Variants in SLIT3 observed in about 807,000 individuals in gnomAD.
SLIT3 encodes slit homolog 3 protein.
In SLIT3, 68 loss-of-function variants were observed where a neutral mutation model predicts 184.0. The observed-to-expected ratio is 0.37, with a 90% confidence interval of 0.30 to 0.45. The LOEUF is 0.45. Among genes scored for constraint, SLIT3 ranks in the 20% least tolerant of loss-of-function variants. The probability of loss-of-function intolerance (pLI) is 1.00; values close to 1 mark genes in which losing one functional copy is unlikely to be tolerated. For missense variants in SLIT3, 1,707 were observed against 2,026.0 expected, an observed-to-expected ratio of 0.84 and a Z score of 3.02; for synonymous variants, 831 against 828.6, an observed-to-expected ratio of 1.00 and a Z score of -0.05.
At chr5:169,283,943 G>A (rs546359866) in intron 1 of SLIT3, among the ~76,000 whole-genome samples, 3 of 152,264 alleles carry the variant, frequency 2.0e-5, no homozygotes, top group African/African-American at 7.2e-5. Context: ...GGAGAAGCTC[G>A]TAGTCAATGG....
chr5:168,794,468 A>G (rs1756496876), intron 10 of SLIT3, among the ~76,000 whole-genome samples: 3 of 152,166 alleles, frequency 2.0e-5, no homozygotes, highest in Non-Finnish European at 1.5e-5. Flanking sequence ...GGGAAGAATG[A>G]TGACATTGTC....
At chr5:168,878,890 T>C (rs1055127154) in intron 5 of SLIT3, among the ~76,000 whole-genome samples, 1 of 152,044 alleles carries the variant, frequency 6.6e-6, no homozygotes, top group African/African-American at 2.4e-5. Flanking sequence ...AATTTTTGTA[T>C]TTTTAGTACA....
At chr5:169,175,216 C>T (rs1014980806) in intron 4 of SLIT3, among the ~76,000 whole-genome samples, 4 of 152,186 alleles carry the variant, frequency 2.6e-5, no homozygotes, top group African/African-American at 9.7e-5. Context: ...TTACAATACA[C>T]CATTATCCTT....
intron 14 of SLIT3, 46 bp from the exon 15 acceptor site, chr5:168,762,735 G>A (rs773119035): frequency 2.6e-5 from 42 of 1,597,424 alleles, no homozygotes; most frequent in African/African-American, 5.4e-5. Context: ...CGAGTTCCAC[G>A]CACAGCCCCA....
intron 4 of SLIT3, among the ~76,000 whole-genome samples, chr5:169,115,571 A>G (rs922477203): frequency 2.8e-4 from 43 of 152,344 alleles, no homozygotes; most frequent in African/African-American, 8.9e-4. Flanking sequence ...CAGGCAGACC[A>G]AGGCAATGTC....
chr5:169,263,826 G>T, intron 1 of SLIT3: 1 of 347,896 alleles, frequency 2.9e-6, no homozygotes, highest in Non-Finnish European at 5.6e-6. Context: ...TTGCCTTGCT[G>T]CTGCCTGTTT....
chr5:168,895,871 TA>T (rs11363179), intron 4 of SLIT3, among the ~76,000 whole-genome samples: 131,555 of 152,188 alleles, frequency 0.86, 58,520 homozygotes, highest in Non-Finnish European at 0.96. Flanking sequence ...TTCTGGCCAT[TA>T]AGCCTGAAAG....
chr5:169,229,819 G>A (rs991747950), intron 3 of SLIT3, among the ~76,000 whole-genome samples: 9 of 152,104 alleles, frequency 5.9e-5, no homozygotes, highest in Non-Finnish European at 1.0e-4. Context: ...GAGGCATGGC[G>A]TACATGCATT....
intron 4 of SLIT3, among the ~76,000 whole-genome samples, chr5:168,966,070 C>T (rs1316180076): frequency 2.0e-5 from 3 of 152,232 alleles, no homozygotes; most frequent in African/African-American, 4.8e-5. Flanking sequence ...TTATGAGATA[C>T]GATTGTGAAT....
chr5:169,255,584 T>G (rs1765929342), intron 1 of SLIT3, among the ~76,000 whole-genome samples: 2 of 152,256 alleles, frequency 1.3e-5, no homozygotes, highest in African/African-American at 4.8e-5. Context: ...AATTAAAAGT[T>G]TATAAAGTTA....
At chr5:169,003,885 G>A (rs75157718) in intron 4 of SLIT3, among the ~76,000 whole-genome samples, 1,732 of 152,252 alleles carry the variant, frequency 0.011, 34 homozygotes, top group African/African-American at 0.039. Context: ...CAGCGTTCTC[G>A]CTGGAAGTGG....
chr5:168,816,194 T>G lies in SLIT3; in HGVS notation c.793+1106A>C, dbSNP rs558331324. On this transcript the variant is annotated intron_variant, in intron 8 of 35. Coordinates refer to ENST00000519560, the MANE Select transcript of SLIT3 (RefSeq NM_003062.4). Reference sequence around the variant, plus strand: ...TTGGGACCCTGGTTCTTTTATTTATTTTTTTAATTTTTGAGACATTTCACT... The same window carrying G: ...TTGGGACCCTGGTTCTTTTATTTATGTTTTTAATTTTTGAGACATTTCACT... Among the ~76,000 whole-genome samples the G allele has an allele frequency of 3.3e-5, 5 of 152,298 alleles. No homozygotes were observed. The South Asian group carries it at 1.0e-3, about 32-fold the overall frequency.
chr5:168,938,267 A>G (rs10062380), intron 4 of SLIT3, among the ~76,000 whole-genome samples: 16,029 of 152,318 alleles, frequency 0.11, 2,094 homozygotes, highest in African/African-American at 0.31. Context: ...AAATCCTGCC[A>G]GCATTTAGGT....
intron 4 of SLIT3, among the ~76,000 whole-genome samples, chr5:168,972,376 T>TGTGTGTGTGTGTGA (rs1245225696): frequency 6.6e-6 from 1 of 150,676 alleles, no homozygotes; most frequent in African/African-American, 2.4e-5. Flanking sequence ...TGTGTGTGTG[T>TGTGTGTGTGTGTGA]GAAGAGAGAA....
intron 4 of SLIT3, among the ~76,000 whole-genome samples, chr5:168,983,275 C>A (rs778954270): frequency 6.6e-6 from 1 of 152,222 alleles, no homozygotes; most frequent in African/African-American, 2.4e-5. Context: ...ATCTCACAAG[C>A]TTTATCCCCC....
chr5:168,893,881 G>A (rs80069339), intron 4 of SLIT3, among the ~76,000 whole-genome samples: 2,725 of 152,282 alleles, frequency 0.018, 85 homozygotes, highest in African/African-American at 0.062. Context: ...TCCCATAGGT[G>A]AAGATCTACT....
intron 28 of SLIT3, among the ~76,000 whole-genome samples, chr5:168,694,480 G>T (rs1265693070): frequency 2.0e-5 from 3 of 152,234 alleles, no homozygotes; most frequent in African/African-American, 4.8e-5. Flanking sequence ...TGCACAGTAA[G>T]TGTTGCCTGT....
intron 4 of SLIT3, among the ~76,000 whole-genome samples, chr5:169,191,786 C>CA (rs776239806): frequency 5.8e-4 from 88 of 152,006 alleles, no homozygotes; most frequent in Non-Finnish European, 9.9e-4. Flanking sequence ...ACCAACTCTG[C>CA]AAAAAATGGC....
At chr5:168,997,087 C>G (rs1033124710) in intron 4 of SLIT3, among the ~76,000 whole-genome samples, 15 of 152,166 alleles carry the variant, frequency 9.9e-5, no homozygotes, top group African/African-American at 2.4e-4. Context: ...ATCCTGTCTC[C>G]TGTGGCCCTC....
Sources: allele counts gnomAD v4.1 joint callset (sites outside exome capture counted in the v4.1 genomes callset), GRCh38; gene constraint gnomAD v4.1.1; transcripts MANE v1.5; gene names NCBI Gene and HGNC (gene_info 2026-07-23, HGNC 2026-07-21).